Variants in STK4 observed in about 807,000 individuals in gnomAD.
STK4 encodes the protein serine/threonine-protein kinase 4.
In STK4, 30 loss-of-function variants were observed where a neutral mutation model predicts 64.9. The ratio of observed to expected loss-of-function variants is 0.46; its 90% CI spans 0.35 to 0.63. STK4 has a LOEUF of 0.63. STK4 is among the 20% of genes least tolerant of loss of function. STK4 has a pLI of 0.01. For synonymous variants in STK4, 177 were observed against 199.0 expected, an observed-to-expected ratio of 0.89 and a Z score of 0.93; for missense variants, 466 against 598.5, an observed-to-expected ratio of 0.78 and a Z score of 2.31.
At chr20:44,979,488 G>C (rs939877632) in intron 3 of STK4, among the ~76,000 whole-genome samples, 10 of 152,176 alleles carry the variant, frequency 6.6e-5, no homozygotes, top group African/African-American at 1.9e-4. Context: ...ACATGGGTTG[G>C]TCACTGATAG....
chr20:45,056,994 AGGCCATCCAGTGGGTTACT>A (rs1269061377), intron 10 of STK4, among the ~76,000 whole-genome samples: 1 of 152,230 alleles, frequency 6.6e-6, no homozygotes, highest in African/African-American at 2.4e-5. Context: ...GGCAGAGAGC[AGGCCATCCAGTGGGTTACT>A]GGCCATCCGG....
chr20:44,994,760 A>G (rs945784357), intron 5 of STK4, among the ~76,000 whole-genome samples: 2 of 152,084 alleles, frequency 1.3e-5, no homozygotes, highest in African/African-American at 4.8e-5. Context: ...CTACAGTAAC[A>G]TTTTATTTCG....
chr20:45,075,844 T>G lies in STK4; in HGVS notation c.*668T>G, dbSNP rs976355123. ...TGTCCAAGGGAAAGCTTTGAGAGTT[T>G]ATGTTTACTCTTTGAGTCCCAGGAG... is the stretch of plus-strand genomic sequence containing the variant. On this transcript the variant is annotated 3_prime_UTR_variant, in exon 11 of 11. Coordinates refer to ENST00000372806, the MANE Select transcript of STK4 (RefSeq NM_006282.5). 5 of 152,696 alleles carry G rather than the reference T, an allele frequency of 3.3e-5. No individual in the cohort carries two copies. Among genetic ancestry groups the G allele is most frequent in the African/African-American group, 1.2e-4 (5 of 41,464 alleles). The allele number at this position is 152,696 out of a possible 1,614,324, so 9.5% of individuals were successfully genotyped here. A position where few individuals can be genotyped will look rare whatever the true frequency, so the allele number is the denominator to read the frequency against.
chr20:44,992,681 T>G (rs1046386193), intron 5 of STK4, among the ~76,000 whole-genome samples: 20 of 148,168 alleles, frequency 1.3e-4, no homozygotes, highest in African/African-American at 4.0e-4. Context: ...TAATGTACTG[T>G]TTTTTTTTTG....
chr20:44,972,515 G>A (rs1236813890), intron 2 of STK4: 1 of 163,006 alleles, frequency 6.1e-6, no homozygotes, highest in Non-Finnish European at 1.3e-5. Flanking sequence ...ATGTAATTTA[G>A]TATTTTAATA....
chr20:45,078,153 A>G lies in STK4; in HGVS notation c.*2977A>G, dbSNP rs1315484622. The G allele has an allele frequency of 6.6e-6, 1 of 150,912 alleles. No individual in the cohort carries two copies. Among genetic ancestry groups the G allele is most frequent in the East Asian group, 1.9e-4 (1 of 5,196 alleles). 9.3% of individuals were successfully genotyped at this position (150,912 alleles called of 1,614,324 possible). ...CGCTTGTTCTCTGCCTTCAAGAAAC[A>G]ATGACCTGATTCTGTCTTTAAAAAA... On this transcript the variant is annotated 3_prime_UTR_variant, in exon 11 of 11. Coordinates refer to ENST00000372806, the MANE Select transcript of STK4 (RefSeq NM_006282.5).
At position 45,032,268 on chromosome 20, in the gene STK4, C is replaced by CTT. The variant is rs11431523; in HGVS notation, c.1305+7145_1305+7146dup. Among the ~76,000 whole-genome samples the CTT allele has an allele frequency of 4.0e-3, 605 of 151,848 alleles. 1 individual carries two copies. The highest frequency in any genetic ancestry group is 0.013 in the African/African-American group (555 of 41,402). On this transcript the variant is annotated intron_variant, in intron 10 of 10. Coordinates refer to ENST00000372806, the MANE Select transcript of STK4 (RefSeq NM_006282.5). ...ATATTTGTAAAACAACTATTTTATT[C>CTT]TTTTTTTTACCTTTATTTCAGGTTC...
At position 45,006,180 on chromosome 20, in the gene STK4, C is replaced by T. The variant is rs375547529; in HGVS notation, c.1147+4827C>T. ...TTTTAGAAAATTCTCTTTGGTTTCTCTATTATTATTATTTTTTCTAGGATT... is the reference window on the plus strand; with the variant it reads ...TTTTAGAAAATTCTCTTTGGTTTCTTTATTATTATTATTTTTTCTAGGATT... On this transcript the variant is annotated intron_variant, in intron 9 of 10. Transcript: ENST00000372806. 1.1e-4 allele frequency among the ~76,000 whole-genome samples: 16 copies of T among 150,532 alleles called. No homozygotes were observed. The East Asian group carries it at 1.2e-3, about 11-fold the overall frequency.
chr20:45,055,476 T>C (rs1012117502), intron 10 of STK4, among the ~76,000 whole-genome samples: 2 of 152,118 alleles, frequency 1.3e-5, no homozygotes. Flanking sequence ...ATTCCTGTTA[T>C]TTGTTTCTTC....
At chr20:44,997,678 T>C (rs1205719590) in intron 7 of STK4, among the ~76,000 whole-genome samples, 3 of 152,162 alleles carry the variant, frequency 2.0e-5, no homozygotes, top group Admixed American at 2.0e-4. Flanking sequence ...GCCTGAGCAA[T>C]AGAGTGAGAC....
intron 9 of STK4, among the ~76,000 whole-genome samples, chr20:45,024,284 A>G (rs2068304374): frequency 6.6e-6 from 1 of 150,938 alleles, no homozygotes; most frequent in Non-Finnish European, 1.5e-5. Flanking sequence ...CCCTGTTAAC[A>G]TTTTGGGTAT....
chr20:44,974,039 A>C (rs182924462), intron 2 of STK4: 3 of 152,322 alleles, frequency 2.0e-5, no homozygotes, highest in Admixed American at 6.5e-5. Context: ...AACAAAAAAT[A>C]AGCTAATTAT....
intron 4 of STK4, 131 bp downstream of exon 4, chr20:44,982,074 C>T: frequency 1.8e-6 from 1 of 545,200 alleles, no homozygotes; most frequent in Non-Finnish European, 3.3e-6. Flanking sequence ...GGTTATTTTC[C>T]ATCTTTATTC....
intron 9 of STK4, among the ~76,000 whole-genome samples, chr20:45,021,896 C>T (rs1190504551): frequency 6.6e-6 from 1 of 152,058 alleles, no homozygotes; most frequent in African/African-American, 2.4e-5. Flanking sequence ...ATGCTACTGC[C>T]AAGTCATAAA....
chr20:44,991,574 A>G (rs1399824796), intron 5 of STK4, among the ~76,000 whole-genome samples: 1 of 152,094 alleles, frequency 6.6e-6, no homozygotes, highest in Non-Finnish European at 1.5e-5. Context: ...AGCAGTTGAC[A>G]TATTTTTGCA....
At chr20:45,003,082 A>C (rs2067870251) in intron 9 of STK4, among the ~76,000 whole-genome samples, 1 of 152,128 alleles carries the variant, frequency 6.6e-6, no homozygotes. Flanking sequence ...TGATCAGCTC[A>C]CTGTAACCTT....
rs538349816 is a variant in STK4 at position 45,057,772 on chromosome 20, C to T, written c.1306-17246C>T. 1.8e-4 allele frequency among the ~76,000 whole-genome samples: 27 copies of T among 152,256 alleles called. 1 individual carries two copies. The South Asian group carries it at 5.4e-3, about 30-fold the overall frequency. Reference sequence around the variant, plus strand: ...TACTGCTAGGAGTATAGTGTTTAAACCTTTCAAAATGAAAAACTAGGACAC... The same window carrying T: ...TACTGCTAGGAGTATAGTGTTTAAATCTTTCAAAATGAAAAACTAGGACAC... On this transcript the variant is annotated intron_variant, in intron 10 of 10. Transcript: ENST00000372806.
At chr20:44,968,163 A>G (rs2067183767) in intron 1 of STK4, among the ~76,000 whole-genome samples, 1 of 149,692 alleles carries the variant, frequency 6.7e-6, no homozygotes. Context: ...TTTGAGACGG[A>G]GTCTCACTCT....
chr20:44,970,500 C>T (rs1489920021), intron 1 of STK4: 1 of 151,904 alleles, frequency 6.6e-6, no homozygotes, highest in Admixed American at 6.6e-5. Flanking sequence ...AGGACTTTAC[C>T]AAAAAAACCC....
Sources: gnomAD v4.1 joint callset for allele counts (sites outside exome capture counted in the v4.1 genomes callset) on GRCh38, gnomAD v4.1.1 for gene constraint, MANE v1.5 for transcripts, NCBI Gene and HGNC (gene_info 2026-07-23, HGNC 2026-07-21) for gene names.